The following AKAP6 variants were observed in gnomAD, a reference collection of about 807,000 sequenced individuals.
The protein encoded by AKAP6 is A-kinase anchoring protein 6.
AKAP6 carries 58 observed loss-of-function variants against 188.5 expected under a neutral mutation model. The observed-to-expected ratio is 0.31, with a 90% confidence interval of 0.25 to 0.38. AKAP6 has a LOEUF of 0.38. Ranked by LOEUF, AKAP6 falls within the 10% of genes least tolerant of loss-of-function variation. AKAP6 has a pLI of 1.00. For missense variants in AKAP6, 2,710 were observed against 2,740.0 expected (o/e 0.99, Z 0.24); for synonymous variants, 989 against 998.6 (o/e 0.99, Z 0.18).
intron 9 of AKAP6, among the ~76,000 whole-genome samples, chr14:32,715,094 C>T (rs1343592893): frequency 6.6e-6 from 1 of 151,914 alleles, no homozygotes; most frequent in African/African-American, 2.4e-5. Context: ...AAAATGATTA[C>T]AAATTTTTCT....
intron 2 of AKAP6, among the ~76,000 whole-genome samples, chr14:32,469,615 TAAAG>T (rs1878656424): frequency 6.6e-6 from 1 of 152,004 alleles, no homozygotes; most frequent in South Asian, 2.1e-4. Flanking sequence ...CTACTGTTGA[TAAAG>T]AAACAAGCTT....
chr14:32,339,178 G>A (rs1029460077), intron 1 of AKAP6, among the ~76,000 whole-genome samples: 6 of 152,126 alleles, frequency 3.9e-5, no homozygotes, highest in Non-Finnish European at 7.4e-5. Context: ...TTAGCTCCCA[G>A]AATAGTGCCT....
chr14:32,462,794 G>A lies in AKAP6; in HGVS notation c.324+28977G>A, dbSNP rs911834765. On this transcript the variant is annotated intron_variant, in intron 2 of 13. Transcript: ENST00000280979. ...GACACAGACTAACCAATTGGATAGA[G>A]CCAAGACCTATTGGTGTGCTGCATT... 1.1e-4 allele frequency among the ~76,000 whole-genome samples: 17 copies of A among 149,948 alleles called. No homozygotes were observed. In the Admixed American group the frequency reaches 1.1e-3, roughly 10 times the overall value.
chr14:32,467,225 A>C (rs945071871), intron 2 of AKAP6, among the ~76,000 whole-genome samples: 5 of 151,768 alleles, frequency 3.3e-5, no homozygotes, highest in African/African-American at 1.2e-4. Flanking sequence ...AAAAAAACAA[A>C]AACAAAAAGA....
chr14:32,585,537 G>A (rs1229496900), intron 5 of AKAP6, among the ~76,000 whole-genome samples: 1 of 152,080 alleles, frequency 6.6e-6, no homozygotes, highest in Non-Finnish European at 1.5e-5. Flanking sequence ...AACTGTAAGT[G>A]TGAGTGGTTA....
intron 2 of AKAP6, among the ~76,000 whole-genome samples, chr14:32,436,653 G>A (rs1012878017): frequency 1.3e-5 from 2 of 152,080 alleles, no homozygotes; most frequent in African/African-American, 2.4e-5. Context: ...TTTTAAATAC[G>A]TAAACAAGCA....
chr14:32,387,950 G>C (rs774146688), intron 1 of AKAP6, among the ~76,000 whole-genome samples: 8 of 152,024 alleles, frequency 5.3e-5, no homozygotes, highest in Admixed American at 6.6e-5. Context: ...ATGTCTGGTA[G>C]AATTCTGCTG....
At chr14:32,533,533 AG>A (rs1882527152) in intron 2 of AKAP6, among the ~76,000 whole-genome samples, 1 of 152,160 alleles carries the variant, frequency 6.6e-6, no homozygotes, top group Non-Finnish European at 1.5e-5. Flanking sequence ...TCTGTGAAGA[AG>A]TTAAGGAGTG....
At chr14:32,807,087 TAA>T (rs902487046) in intron 12 of AKAP6, among the ~76,000 whole-genome samples, 4 of 134,382 alleles carry the variant, frequency 3.0e-5, no homozygotes, top group Non-Finnish European at 4.8e-5. Context: ...TATATATATA[TAA>T]AATCCCACAT....
chr14:32,751,515 T>TTTG (rs5807681), intron 11 of AKAP6, among the ~76,000 whole-genome samples: 2 of 150,234 alleles, frequency 1.3e-5, no homozygotes, highest in Admixed American at 6.7e-5. Context: ...TTTTTTTTTT[T>TTTG]GCTGGGAACT....
chr14:32,776,395 G>T (rs543374177), intron 12 of AKAP6, among the ~76,000 whole-genome samples: 2 of 152,118 alleles, frequency 1.3e-5, no homozygotes, highest in Non-Finnish European at 2.9e-5. Context: ...TCTCTTGTCT[G>T]CTGCCATGTA....
Position 32,535,743 on chromosome 14 carries a change from G to A in AKAP6, c.514G>A (p.Ala172Thr), listed in dbSNP as rs201978712. 3.8e-5 allele frequency: 62 copies of A among 1,614,198 alleles called. No homozygotes were observed. In the Middle Eastern group the frequency reaches 5.0e-4, roughly 13 times the overall value. The stretch of plus-strand genomic sequence containing the variant: ...GCGCATTCTGCAAGGTCTGCAGGAC[G>A]CCAATGGCAACTACACTAGGCAGAC... Reference protein sequence around the residue: ...RERILQGLQDANGNYTRQTDI... With the variant: ...RERILQGLQDTNGNYTRQTDI... Residue 172 changes from alanine to threonine, a missense_variant, in exon 3 of 14, where the codon GCC (alanine) becomes ACC (threonine). Around this residue, in one of 2 missense-constraint regions of AKAP6, gnomAD observed 237 missense variants for 313.9 expected, o/e 0.76. Coordinates refer to ENST00000280979, the MANE Select transcript of AKAP6 (RefSeq NM_004274.5).
At chr14:32,786,296 A>ATGTTTTTTTTTTT in intron 12 of AKAP6, among the ~76,000 whole-genome samples, 4,475 of 93,366 alleles carry the variant, frequency 0.048, 1,148 homozygotes, top group Non-Finnish European at 0.06. Context: ...CTAAACCTTT[A>ATGTTTTTTTTTTT]TCTTTTTTTT....
rs529886144 is a variant in AKAP6 at position 32,811,241 on chromosome 14, G to GAAAAAAAA, written c.3589-10153_3589-10146dup. Among the ~76,000 whole-genome samples, 136 of 55,588 alleles carry GAAAAAAAA rather than the reference G, an allele frequency of 2.4e-3. 9 individuals are homozygous for GAAAAAAAA. In the East Asian group the frequency reaches 0.047, roughly 19 times the overall value. 36.5% of individuals were successfully genotyped at this position (55,588 alleles called of 152,430 possible). On this transcript the variant is annotated intron_variant, in intron 12 of 13. Transcript: ENST00000280979. ...GTGACAGAGCGAGACTCCGTCTCAGGAAAAAAAAAAAAAAAGTTGAAAAAC... is the reference window on the plus strand; with the variant it reads ...GTGACAGAGCGAGACTCCGTCTCAGGAAAAAAAAAAAAAAAAAAAAAAAGTTGAAAAAC...
intron 2 of AKAP6, among the ~76,000 whole-genome samples, chr14:32,453,897 C>T (rs531393998): frequency 2.0e-4 from 31 of 152,204 alleles, no homozygotes; most frequent in Non-Finnish European, 4.0e-4. Context: ...ATTTTTCAAA[C>T]TGACTCTTTA....
At chr14:32,825,751 G>C (rs1292033785) in intron 13 of AKAP6, among the ~76,000 whole-genome samples, 4 of 152,100 alleles carry the variant, frequency 2.6e-5, no homozygotes, top group African/African-American at 4.8e-5. Context: ...CCAAGTATGA[G>C]ATGCCTAATG....
chr14:32,755,681 C>T (rs1307408419), intron 11 of AKAP6, among the ~76,000 whole-genome samples: 2 of 152,120 alleles, frequency 1.3e-5, no homozygotes, highest in Admixed American at 6.5e-5. Context: ...GTGAATACCA[C>T]CACACCCAGC....
chr14:32,511,404 A>T (rs1473333599), intron 2 of AKAP6, among the ~76,000 whole-genome samples: 4 of 131,532 alleles, frequency 3.0e-5, no homozygotes, highest in African/African-American at 8.9e-5. Flanking sequence ...ACGGAGTCTC[A>T]CTCTGTGGTC....
At chr14:32,784,630 C>T (rs1353849875) in intron 12 of AKAP6, among the ~76,000 whole-genome samples, 1 of 152,166 alleles carries the variant, frequency 6.6e-6, no homozygotes, top group African/African-American at 2.4e-5. Context: ...TTGCTAACAG[C>T]ATTGAACATG....
Sources: gnomAD v4.1 joint callset for allele counts (sites outside exome capture counted in the v4.1 genomes callset) on GRCh38, gnomAD v4.1.1 for gene constraint, gnomAD v4.1.1 regional missense constraint, MANE v1.5 for transcripts, NCBI Gene and HGNC (gene_info 2026-07-23, HGNC 2026-07-21) for gene names.